Variants in HERC2 observed in about 807,000 individuals in gnomAD.
HERC2 encodes the protein E3 ubiquitin-protein ligase HERC2.
In HERC2, 102 loss-of-function variants were observed where a neutral mutation model predicts 537.7. The observed-to-expected ratio is 0.19, with a 90% CI of 0.16 to 0.22. The LOEUF is 0.22. HERC2 is among the 10% of genes least tolerant of loss of function. HERC2 has a pLI of 1.00. For synonymous variants in HERC2, 2,224 were observed against 2,466.2 expected, an observed-to-expected ratio of 0.90 and a Z score of 2.91; for missense variants, 4,236 against 6,198.2, an observed-to-expected ratio of 0.68 and a Z score of 10.63.
chr15:28,318,622 CAAA>C (rs11324806), intron 2 of HERC2, among the ~76,000 whole-genome samples: 1 of 147,620 alleles, frequency 6.8e-6, no homozygotes, highest in African/African-American at 2.5e-5. Flanking sequence ...GACTCCATCT[CAAA>C]AAAAAAAAAA....
intron 21 of HERC2, 127 bp downstream of exon 21, chr15:28,248,425 C>T: frequency 1.6e-6 from 1 of 607,926 alleles, no homozygotes; most frequent in South Asian, 2.6e-5. Flanking sequence ...CAAAATGAAG[C>T]CCCAAAATTG....
chr15:28,213,793 C>T lies in HERC2; in HGVS notation c.6735G>A (p.Gln2245=). The T allele has an allele frequency of 6.2e-7, 1 of 1,614,024 alleles. No individual in the cohort carries two copies. Residue 2245 remains glutamine, a synonymous_variant, in exon 42 of 93, where the codon CAG becomes CAA. Transcript: ENST00000261609. ...CGCGACACGTCCGCATGTCAGAGAA[C>T]TGCACGGTGATTTTGCCCTTTGGGG... ...RITPKGKITV[Q]FSDMRTCRVC... is the part of the protein sequence containing the mutation.
Position 28,125,135 on chromosome 15 carries a change from A to G in HERC2, c.12861T>C (p.Asn4287=). ...CTACCAACCGAGGCCTCTGGATGGC[A>G]TTGGTGGTTCCGTCTCCCAGTTGTC... is the stretch of plus-strand genomic sequence containing the variant. ...DEGQLGDGTT[N]AIQRPRLVAA... is the part of the protein sequence containing the mutation. The change falls in exon 84 of 93, where the codon AAT becomes AAC. Residue 4287 remains asparagine, a synonymous_variant. Transcript: ENST00000261609. 1 of 1,614,118 alleles carries G rather than the reference A, an allele frequency of 6.2e-7. No homozygotes were observed. The highest frequency in any genetic ancestry group is 8.5e-7 in the Non-Finnish European group (1 of 1,179,946).
At chr15:28,186,454 A>C (rs1370332209) in intron 56 of HERC2, 123 bp downstream of exon 56, 1 of 670,044 alleles carries the variant, frequency 1.5e-6, no homozygotes. Context: ...GTAATTTACC[A>C]ATCGTGTGGA....
intron 4 of HERC2, among the ~76,000 whole-genome samples, chr15:28,286,977 GGA>G (rs1167582109): frequency 2.6e-5 from 4 of 152,154 alleles, no homozygotes; most frequent in African/African-American, 9.7e-5. Context: ...ACAAAAAAGT[GGA>G]GAGAGCGGTG....
At chr15:28,131,418 C>T (rs975284254) in intron 81 of HERC2, among the ~76,000 whole-genome samples, 2 of 152,220 alleles carry the variant, frequency 1.3e-5, no homozygotes, top group Admixed American at 6.5e-5. Context: ...TTCGCAGCAA[C>T]AGGCTCCCAA....
At chr15:28,132,494 T>C (rs754040024) in intron 80 of HERC2, among the ~76,000 whole-genome samples, 159 bp downstream of exon 80, 2 of 152,234 alleles carry the variant, frequency 1.3e-5, no homozygotes, top group Non-Finnish European at 2.9e-5. Context: ...CAACCCTACA[T>C]CACCATGAAG....
Position 28,111,603 on chromosome 15 carries a change from T to C in HERC2, c.*160A>G, listed in dbSNP as rs1245799093. 8.4e-6 allele frequency: 6 copies of C among 711,872 alleles called. No homozygotes were observed. Among genetic ancestry groups the C allele is most frequent in the Non-Finnish European group, 1.2e-5 (5 of 434,102 alleles). 44.1% of individuals were successfully genotyped at this position (711,872 alleles called of 1,614,324 possible). ...CGCGCACAGGCGGACCTTCTCACTG[T>C]CATTCCCATCACGGCCAGTCAGTCT... On this transcript the variant is annotated 3_prime_UTR_variant, in exon 93 of 93. Transcript: ENST00000261609.
chr15:28,181,972 G>A (rs1029932976), intron 57 of HERC2, among the ~76,000 whole-genome samples: 5 of 152,164 alleles, frequency 3.3e-5, no homozygotes, highest in African/African-American at 7.2e-5. Flanking sequence ...CTCGCAAAGC[G>A]TTCTCTCTCT....
Position 28,132,640 on chromosome 15 carries a change from G to A in HERC2, c.12408+13C>T, listed in dbSNP as rs200263043. 188 of 1,470,254 alleles carry A rather than the reference G, an allele frequency of 1.3e-4. 1 individual carries two copies. Among genetic ancestry groups the A allele is most frequent in the South Asian group, 1.1e-3 (78 of 70,234 alleles). The allele number at this position is 1,470,254 out of a possible 1,614,324, so 91.1% of individuals were successfully genotyped here. Reference sequence around the variant, plus strand: ...CATGCAGCCTCCGGCCTCTGCACACGGCGCCTCCTCACCAGCTTCGGCTTC... The same window carrying A: ...CATGCAGCCTCCGGCCTCTGCACACAGCGCCTCCTCACCAGCTTCGGCTTC... On this transcript the variant is annotated intron_variant, in intron 80 of 92. Coordinates refer to ENST00000261609, the MANE Select transcript of HERC2 (RefSeq NM_004667.6).
chr15:28,168,683 T>C (rs1384354144), intron 66 of HERC2, 93 bp from the exon 67 acceptor site: 50 of 1,125,992 alleles, frequency 4.4e-5, no homozygotes, highest in Non-Finnish European at 2.5e-6. Flanking sequence ...CACTGAGGCG[T>C]TTCCTCATTT....
At position 28,139,245 on chromosome 15, in the gene HERC2, C is replaced by T. The variant is rs528642321; in HGVS notation, c.12015+2187G>A. Among the ~76,000 whole-genome samples the T allele has an allele frequency of 3.0e-4, 45 of 152,362 alleles. 2 individuals are homozygous for T. The South Asian group carries it at 9.3e-3, about 32-fold the overall frequency. ...TCTGATGAGCAGAATAGGGCAAGAA[C>T]TGGAGTGTGGTCACTTCTGTGATTC... is the stretch of plus-strand genomic sequence containing the variant. On this transcript the variant is annotated intron_variant, in intron 78 of 92. Transcript: ENST00000261609.
At chr15:28,168,742 C>T in intron 66 of HERC2, 152 bp from the exon 67 acceptor site, 1 of 608,298 alleles carries the variant, frequency 1.6e-6, no homozygotes, top group Non-Finnish European at 2.8e-6. Context: ...AACATTATTA[C>T]CATGTATCCT....
In HERC2 at chr15:28,263,093, C is replaced by A. The variant is rs1232088286; in HGVS notation, c.1947G>T (p.Lys649Asn). 6.2e-7 allele frequency: 1 copy of A among 1,614,188 alleles called. No individual in the cohort carries two copies. The highest frequency in any genetic ancestry group is 1.1e-5 in the South Asian group (1 of 91,084). The change falls in exon 15 of 93, where the codon AAG becomes AAT. Residue 649 changes from lysine (K) to asparagine (N), a missense_variant. Coordinates refer to ENST00000261609, the MANE Select transcript of HERC2 (RefSeq NM_004667.6). The stretch of plus-strand genomic sequence containing the variant: ...CCAAGTCTTGAAGCTTTTCAATCAG[C>A]TTTGGGGTTTTGCAGCCATCACTAC... The part of the protein sequence containing the change: ...RGGSDGCKTP[K>N]LIEKLQDLDV...
chr15:28,117,403 G>A, intron 86 of HERC2: 1 of 696,116 alleles, frequency 1.4e-6, no homozygotes, highest in Non-Finnish European at 2.6e-6. Flanking sequence ...CCCAGGACTA[G>A]TGTGTCTGAA....
At chr15:28,159,851 A>G (rs1342194037) in intron 69 of HERC2, among the ~76,000 whole-genome samples, 3 of 152,142 alleles carry the variant, frequency 2.0e-5, no homozygotes, top group Non-Finnish European at 4.4e-5. Context: ...TTTTTTCTCC[A>G]TCTTTGTGGT....
intron 14 of HERC2, among the ~76,000 whole-genome samples, chr15:28,263,417 C>A (rs2075466540): frequency 2.0e-5 from 3 of 152,160 alleles, no homozygotes; most frequent in African/African-American, 7.2e-5. Flanking sequence ...AGTCCTGACT[C>A]TTACTAGCCT....
At chr15:28,304,702 A>ATTTTTTTTTTTTTTTTTTTTT (rs780900477) in intron 2 of HERC2, among the ~76,000 whole-genome samples, 2 of 108,346 alleles carry the variant, frequency 1.8e-5, no homozygotes, top group Non-Finnish European at 2.0e-5. Flanking sequence ...AAGGGCTTCC[A>ATTTTTTTTTTTTTTTTTTTTT]TTTTTTTTTT....
rs1324072419 is a variant in HERC2 at position 28,274,456 on chromosome 15, A to G, written c.644-9T>C. The G allele has an allele frequency of 1.9e-6, 3 of 1,603,184 alleles. No individual in the cohort carries two copies. The highest frequency in any genetic ancestry group is 2.6e-6 in the Non-Finnish European group (3 of 1,175,206). On this transcript the variant is annotated splice_polypyrimidine_tract_variant and intron_variant, in intron 6 of 92. Transcript: ENST00000261609. ...GAGGTCCGCATCCTCGCCTGGGCGC[A>G]CACACGCGTCAGAGGAGCCCCCCCA...
Sources: gnomAD v4.1 joint callset for allele counts (sites outside exome capture counted in the v4.1 genomes callset) on GRCh38, gnomAD v4.1.1 for gene constraint, MANE v1.5 for transcripts, NCBI Gene and HGNC (gene_info 2026-07-23, HGNC 2026-07-21) for gene names.